Variants in TACSTD2 observed in about 807,000 individuals in gnomAD.
The protein encoded by TACSTD2 is tumor associated calcium signal transducer 2.
TACSTD2 carries 6 observed loss-of-function variants against 7.9 expected under a neutral mutation model. That is an observed-to-expected ratio of 0.76 (90% CI 0.42 to 1.50). The LOEUF (loss-of-function observed/expected upper bound fraction) is 1.50. Among genes scored for constraint, TACSTD2 ranks in the 40% most tolerant of loss-of-function variants. The pLI, the probability that TACSTD2 is intolerant of heterozygous loss-of-function variation, is 0.01. For missense variants in TACSTD2, 511 were observed against 471.2 expected (o/e 1.08, Z -0.78); for synonymous variants, 220 against 225.5 (o/e 0.98, Z 0.22).
chr1:58,576,064 G>A lies in TACSTD2; in HGVS notation c.*121C>T. 8.0e-7 allele frequency: 1 copy of A among 1,255,552 alleles called. No homozygotes were observed. Among genetic ancestry groups the A allele is most frequent in the South Asian group, 1.5e-5 (1 of 65,272 alleles). 77.8% of individuals were successfully genotyped at this position (1,255,552 alleles called of 1,614,324 possible). On this transcript the variant is annotated 3_prime_UTR_variant, in exon 1 of 1. Coordinates refer to ENST00000371225, the MANE Select transcript of TACSTD2 (RefSeq NM_002353.3). ...GTGTGTGCGCAAAAGGGAGGGGGAA[G>A]GCAGGAATTTGAAAGGATAAACGTC...
chr1:58,576,983 C>T lies in TACSTD2; in HGVS notation c.174G>A (p.Leu58=). 4 of 1,575,428 alleles carry T rather than the reference C, an allele frequency of 2.5e-6. No homozygotes were observed. Among genetic ancestry groups the T allele is most frequent in the Non-Finnish European group, 3.4e-6 (4 of 1,163,990 alleles). Reference sequence around the variant, plus strand: ...AGCAGTCGACCGCCATGCCCGAGCCCAGCGCGCGGCACTGGCAGCGGCCGC... The same window carrying T: ...AGCAGTCGACCGCCATGCCCGAGCCTAGCGCGCGGCACTGGCAGCGGCCGC... ...GPGGRCQCRA[L]GSGMAVDCST... Residue 58 remains leucine, a synonymous_variant, in exon 1 of 1, where the codon CTG becomes CTA. Coordinates refer to ENST00000371225, the MANE Select transcript of TACSTD2 (RefSeq NM_002353.3).
At position 58,576,409 on chromosome 1, in the gene TACSTD2, G is replaced by T. The variant is rs1490744430; in HGVS notation, c.748C>A (p.Pro250Thr). The T allele has an allele frequency of 1.9e-6, 3 of 1,613,516 alleles. No homozygotes were observed. Among genetic ancestry groups the T allele is most frequent in the Non-Finnish European group, 2.5e-6 (3 of 1,179,866 alleles). ...ATGAGCGTGCGCTCCACCTGCAGGG[G>T]TTCTCCGCGCACGCGCAAGTCCAGG... ...GGLDLRVRGE[P>T]LQVERTLIYY... The change falls in exon 1 of 1, where the codon CCC becomes ACC. Residue 250 changes from proline to threonine, a missense_variant. By Grantham distance (38) the Pro-to-Thr change is conservative (BLOSUM62 -1). Coordinates refer to ENST00000371225, the MANE Select transcript of TACSTD2 (RefSeq NM_002353.3).
chr1:58,577,000 AGCGGCCGCC>A lies in TACSTD2; in HGVS notation c.148_156del (p.Gly50_Arg52del), dbSNP rs749310760. The A allele has an allele frequency of 1.5e-5, 24 of 1,568,046 alleles. No homozygotes were observed. Among genetic ancestry groups the A allele is most frequent in the Non-Finnish European group, 1.9e-5 (22 of 1,160,146 alleles). ...CCCGAGCCCAGCGCGCGGCACTGGC[AGCGGCCGCC>A]GGGGCCGTCGGGGCTGCACACGGTC... On this transcript the variant is annotated inframe_deletion, in exon 1 of 1. Coordinates refer to ENST00000371225, the MANE Select transcript of TACSTD2 (RefSeq NM_002353.3).
chr1:58,577,209 G>C lies in TACSTD2; in HGVS notation c.-53C>G. The stretch of plus-strand genomic sequence containing the variant: ...GCGGGCGGATGAGGCGCGGGGACTC[G>C]TCGGGGCTCGGGCTCCGGCGTCTGG... On this transcript the variant is annotated 5_prime_UTR_variant, in exon 1 of 1. Coordinates refer to ENST00000371225, the MANE Select transcript of TACSTD2 (RefSeq NM_002353.3). The C allele has an allele frequency of 3.0e-6, 4 of 1,323,288 alleles. No homozygotes were observed. The South Asian group carries it at 8.7e-5, about 29-fold the overall frequency. 82.0% of individuals were successfully genotyped at this position (1,323,288 alleles called of 1,614,324 possible).
rs7333 is a variant in TACSTD2, at chr1:58,575,548, C to T, written c.*637G>A. 38,679 of 151,998 alleles carry T rather than the reference C, an allele frequency of 0.25. 6,814 individuals carry two copies. The highest frequency in any genetic ancestry group is 0.5 in the African/African-American group (20,733 of 41,356). The allele number at this position is 151,998 out of a possible 1,614,324, so 9.4% of individuals were successfully genotyped here. ...AAAAGAACATTACCAATATCAGTGG[C>T]AGTAAGGGCAAGCTGAAGAATAAAT... On this transcript the variant is annotated 3_prime_UTR_variant, in exon 1 of 1. Coordinates refer to ENST00000371225, the MANE Select transcript of TACSTD2 (RefSeq NM_002353.3).
Position 58,576,481 on chromosome 1 carries a change from A to G in TACSTD2, c.676T>C (p.Phe226Leu), listed in dbSNP as rs377765995. 3 of 1,613,684 alleles carry G rather than the reference A, an allele frequency of 1.9e-6. No homozygotes were observed. Among genetic ancestry groups the G allele is most frequent in the Non-Finnish European group, 2.5e-6 (3 of 1,179,888 alleles). Residue 226 changes from phenylalanine to leucine, a missense_variant, in exon 1 of 1, where the codon TTC becomes CTC. Transcript: ENST00000371225. ...DVDIGDAAYY[F>L]ERDIKGESLF... ...GACTCGCCCTTGATGTCCCTCTCGA[A>G]GTAGTAGGCGGCATCGCCGATATCC...
chr1:58,575,966 AT>A lies in TACSTD2; in HGVS notation c.*218del. 1 of 613,446 alleles carries A rather than the reference AT, an allele frequency of 1.6e-6. No individual in the cohort carries two copies. Among genetic ancestry groups the A allele is most frequent in the African/African-American group, 1.8e-5 (1 of 54,218 alleles). 38.0% of individuals were successfully genotyped at this position (613,446 alleles called of 1,614,324 possible). A position where few individuals can be genotyped will look rare whatever the true frequency, so the allele number is the denominator to read the frequency against. The stretch of plus-strand genomic sequence containing the variant: ...CTGTTGTTGGACCGAAAGGGGATAC[AT>A]TTTAGAAATGCTTCCTTCAAGACAG... On this transcript the variant is annotated 3_prime_UTR_variant, in exon 1 of 1. Transcript: ENST00000371225.
Position 58,576,530 on chromosome 1 carries a change from C to G in TACSTD2, c.627G>C (p.Thr209=). ...CCACGTCACCGGCGGCCTTCTGAGA[C>G]GTGTTCTGCCGCAGCTCGATCTGGA... ...PTIQIELRQN[T]SQKAAGDVDI... is the part of the protein sequence containing the mutation. Residue 209 remains threonine (T), a synonymous_variant, in exon 1 of 1, where the codon ACG becomes ACC. Transcript: ENST00000371225. 1 of 1,612,214 alleles carries G rather than the reference C, an allele frequency of 6.2e-7. No individual in the cohort carries two copies. The highest frequency in any genetic ancestry group is 8.5e-7 in the Non-Finnish European group (1 of 1,179,450).
Position 58,577,064 on chromosome 1 carries a change from C to G in TACSTD2, c.93G>C (p.Gln31His), listed in dbSNP as rs1448271635. 6.6e-7 allele frequency: 1 copy of G among 1,506,758 alleles called. No homozygotes were observed. The highest frequency in any genetic ancestry group is 2.2e-5 in the Admixed American group (1 of 45,312). The allele number at this position is 1,506,758 out of a possible 1,614,324, so 93.3% of individuals were successfully genotyped here. The change falls in exon 1 of 1, where the codon CAG becomes CAC. Residue 31 changes from glutamine to histidine, a missense_variant. Physicochemically the swap from Gln to His is conservative, Grantham distance 24. Transcript: ENST00000371225. ...LAAVTGHTAA[Q>H]DNCTCPTNKM... Reference sequence around the variant, plus strand: ...TGTTGGTGGGACACGTGCAGTTGTCCTGCGCGGCCGTGTGGCCGGTCACCG... The same window carrying G: ...TGTTGGTGGGACACGTGCAGTTGTCGTGCGCGGCCGTGTGGCCGGTCACCG...
chr1:58,577,249 G>C lies in TACSTD2; in HGVS notation c.-93C>G, dbSNP rs1646892617. 7.7e-7 allele frequency: 1 copy of C among 1,295,406 alleles called. No homozygotes were observed. The highest frequency in any genetic ancestry group is 1.6e-5 in the African/African-American group (1 of 64,132). 80.2% of individuals were successfully genotyped at this position (1,295,406 alleles called of 1,614,324 possible). ...CCGGCGTCTGGGATGGTCTGCAGGC[G>C]TCTGCCGCCCGGCCGCTCCCTCCGG... On this transcript the variant is annotated 5_prime_UTR_variant, in exon 1 of 1. Coordinates refer to ENST00000371225, the MANE Select transcript of TACSTD2 (RefSeq NM_002353.3).
In TACSTD2 at chr1:58,576,907, T is replaced by A; in HGVS notation, c.250A>T (p.Lys84Ter). 6.3e-7 allele frequency: 1 copy of A among 1,588,976 alleles called. No individual in the cohort carries two copies. The highest frequency in any genetic ancestry group is 2.3e-5 in the East Asian group (1 of 44,226). Residue 84 changes from lysine to a stop codon, truncating the protein, a stop_gained, in exon 1 of 1, where the codon AAG becomes TAG. Transcript: ENST00000371225. LOFTEE classifies it high-confidence loss of function. ...GGCCGCACCAGCGTGCGGGCGTTCTTGGGGGCGCTCATGCGCGCCTTGAGC... is the reference window on the plus strand; with the variant it reads ...GGCCGCACCAGCGTGCGGGCGTTCTAGGGGGCGCTCATGCGCGCCTTGAGC... ...LLLKARMSAP[K>*]NARTLVRPSE...
rs1174713356 is a variant in TACSTD2 at position 58,576,706 on chromosome 1, T to C, written c.451A>G (p.Thr151Ala). ...CGCAGGTCAATGAGGATGTGGTGGGTGCGCACCAGCTCATCGCAGCGTAGG... is the reference window on the plus strand; with the variant it reads ...CGCAGGTCAATGAGGATGTGGTGGGCGCGCACCAGCTCATCGCAGCGTAGG... ...LSLRCDELVR[T>A]HHILIDLRHR... Residue 151 changes from threonine (T) to alanine (A), a missense_variant, in exon 1 of 1, where the codon ACC becomes GCC. Thr to Ala is a moderately conservative substitution (Grantham distance 58). Coordinates refer to ENST00000371225, the MANE Select transcript of TACSTD2 (RefSeq NM_002353.3). 2 of 1,601,226 alleles carry C rather than the reference T, an allele frequency of 1.2e-6. No homozygotes were observed. The highest frequency in any genetic ancestry group is 2.7e-5 in the African/African-American group (2 of 74,892).
At position 58,576,882 on chromosome 1, in the gene TACSTD2, G is replaced by A; in HGVS notation, c.275C>T (p.Pro92Leu). ...GTTGTCCACGAGCGCGTGCTCACTC[G>A]GCCGCACCAGCGTGCGGGCGTTCTT... ...APKNARTLVR[P>L]SEHALVDNDG... Residue 92 changes from proline (P) to leucine (L), a missense_variant, in exon 1 of 1, where the codon CCG (proline) becomes CTG (leucine). Coordinates refer to ENST00000371225, the MANE Select transcript of TACSTD2 (RefSeq NM_002353.3). 6.3e-7 allele frequency: 1 copy of A among 1,590,948 alleles called. No homozygotes were observed. Among genetic ancestry groups the A allele is most frequent in the Non-Finnish European group, 8.5e-7 (1 of 1,175,428 alleles).
Position 58,577,138 on chromosome 1 carries a change from G to T in TACSTD2, c.19C>A (p.Leu7Ile). ...GGCAGCCGCAGCGGTGGCGGCGCGAGGCCGGGGCCCCGAGCCATGGTGGGG... is the reference window on the plus strand; with the variant it reads ...GGCAGCCGCAGCGGTGGCGGCGCGATGCCGGGGCCCCGAGCCATGGTGGGG... MARGPG[L>I]APPPLRLPLL... The change falls in exon 1 of 1, where the codon CTC becomes ATC. Residue 7 changes from leucine to isoleucine, a missense_variant. Leu to Ile is a conservative substitution (Grantham distance 5, BLOSUM62 2). Transcript: ENST00000371225. 1 of 1,390,326 alleles carries T rather than the reference G, an allele frequency of 7.2e-7. No individual in the cohort carries two copies. The highest frequency in any genetic ancestry group is 9.2e-7 in the Non-Finnish European group (1 of 1,083,964). 86.1% of individuals were successfully genotyped at this position (1,390,326 alleles called of 1,614,324 possible).
chr1:58,576,917 C>T lies in TACSTD2; in HGVS notation c.240G>A (p.Met80Ile). Residue 80 changes from methionine to isoleucine, a missense_variant, in exon 1 of 1, where the codon ATG becomes ATA. By Grantham distance (10) the Met-to-Ile change is conservative. Coordinates refer to ENST00000371225, the MANE Select transcript of TACSTD2 (RefSeq NM_002353.3). The stretch of plus-strand genomic sequence containing the variant: ...GCGTGCGGGCGTTCTTGGGGGCGCT[C>T]ATGCGCGCCTTGAGCAGCAGACACT... ...TSKCLLLKARMSAPKNARTLV... is the reference protein window; with the variant it reads ...TSKCLLLKARISAPKNARTLV... 6.3e-7 allele frequency: 1 copy of T among 1,587,786 alleles called. No individual in the cohort carries two copies. The highest frequency in any genetic ancestry group is 8.5e-7 in the Non-Finnish European group (1 of 1,173,568).
At position 58,576,444 on chromosome 1, in the gene TACSTD2, C is replaced by A; in HGVS notation, c.713G>T (p.Gly238Val). Residue 238 changes from glycine to valine, a missense_variant, in exon 1 of 1, where the codon GGC (glycine) becomes GTC (valine). Gly to Val is a moderately radical substitution (Grantham distance 109). Coordinates refer to ENST00000371225, the MANE Select transcript of TACSTD2 (RefSeq NM_002353.3). ...CACGCGCAAGTCCAGGCCGCCGCGG[C>A]CCTGGAATAGAGACTCGCCCTTGAT... Reference protein sequence around the residue: ...RDIKGESLFQGRGGLDLRVRG... With the variant: ...RDIKGESLFQVRGGLDLRVRG... 6.2e-7 allele frequency: 1 copy of A among 1,613,946 alleles called. No homozygotes were observed. The highest frequency in any genetic ancestry group is 1.3e-5 in the African/African-American group (1 of 75,046).
In TACSTD2 at chr1:58,576,675, C is replaced by T; in HGVS notation, c.482G>A (p.Arg161His). 1 of 1,601,912 alleles carries T rather than the reference C, an allele frequency of 6.2e-7. No homozygotes were observed. ...GTGGTTGAAGGCGCCGGCGGTGGGG[C>T]GGTGGCGCAGGTCAATGAGGATGTG... ...THHILIDLRH[R>H]PTAGAFNHSD... is the part of the protein sequence containing the mutation. Residue 161 changes from arginine to histidine, a missense_variant, in exon 1 of 1, where the codon CGC becomes CAC. By Grantham distance (29) the Arg-to-His change is conservative. Transcript: ENST00000371225.
rs760098891 is a variant in TACSTD2 at position 58,577,131 on chromosome 1, G to A, written c.26C>T (p.Pro9Leu). The A allele has an allele frequency of 2.9e-6, 4 of 1,396,692 alleles. No individual in the cohort carries two copies. The South Asian group carries it at 6.5e-5, about 23-fold the overall frequency. 86.5% of individuals were successfully genotyped at this position (1,396,692 alleles called of 1,614,324 possible). A position where few individuals can be genotyped will look rare whatever the true frequency, so the allele number is the denominator to read the frequency against. Reference protein sequence around the residue: MARGPGLAPPPLRLPLLLL... With the variant: MARGPGLALPPLRLPLLLL... ...CAGCAGCGGCAGCCGCAGCGGTGGC[G>A]GCGCGAGGCCGGGGCCCCGAGCCAT... is the stretch of plus-strand genomic sequence containing the variant. The change falls in exon 1 of 1, where the codon CCG (proline) becomes CTG (leucine). Residue 9 changes from proline (P) to leucine (L), a missense_variant. Coordinates refer to ENST00000371225, the MANE Select transcript of TACSTD2 (RefSeq NM_002353.3).
Position 58,576,776 on chromosome 1 carries a change from G to A in TACSTD2, c.381C>T (p.Cys127=), listed in dbSNP as rs1185027530. 6.3e-7 allele frequency: 1 copy of A among 1,598,836 alleles called. No homozygotes were observed. Among genetic ancestry groups the A allele is most frequent in the Non-Finnish European group, 8.5e-7 (1 of 1,178,662 alleles). The part of the protein sequence containing the change: ...RQCNQTSVCW[C]VNSVGVRRTD... ...TGCGGCGCACGCCCACCGAGTTCACGCACCAGCACACCGACGTCTGGTTGC... is the reference window on the plus strand; with the variant it reads ...TGCGGCGCACGCCCACCGAGTTCACACACCAGCACACCGACGTCTGGTTGC... The change falls in exon 1 of 1, where the codon TGC becomes TGT. Residue 127 remains cysteine (C), a synonymous_variant. Coordinates refer to ENST00000371225, the MANE Select transcript of TACSTD2 (RefSeq NM_002353.3).
Sources: gnomAD v4.1 joint callset for allele counts on GRCh38, gnomAD v4.1.1 for gene constraint, MANE v1.5 for transcripts, NCBI Gene and HGNC (gene_info 2026-07-23, HGNC 2026-07-21) for gene names.